The following RELN variants were observed in gnomAD, a reference collection of about 807,000 sequenced individuals.
RELN encodes reelin.
A neutral mutation model predicts 427.6 loss-of-function variants in RELN; 108 were observed. The observed-to-expected ratio is 0.25, with a 90% CI of 0.22 to 0.30. The LOEUF (loss-of-function observed/expected upper bound fraction) is 0.30, where lower values mean the gene tolerates loss of function less well. Among genes scored for constraint, RELN ranks in the 10% least tolerant of loss-of-function variants. The pLI, the probability that RELN is intolerant of heterozygous loss-of-function variation, is 1.00. For synonymous variants in RELN, 1,524 were observed against 1,513.4 expected, an observed-to-expected ratio of 1.01 and a Z score of -0.16; for missense variants, 3,715 against 4,302.8, an observed-to-expected ratio of 0.86 and a Z score of 3.82.
intron 4 of RELN, among the ~76,000 whole-genome samples, chr7:103,754,781 AAAT>A (rs1241858592): frequency 2.0e-5 from 3 of 152,158 alleles, no homozygotes; most frequent in African/African-American, 7.2e-5. Flanking sequence ...GTCTCTAAAT[AAAT>A]AATAAAAAGA....
chr7:103,619,275 A>G (rs893917993), intron 20 of RELN, among the ~76,000 whole-genome samples: 1 of 152,178 alleles, frequency 6.6e-6, no homozygotes, highest in African/African-American at 2.4e-5. Context: ...TCTGTACACA[A>G]TGGCCATGAT....
At chr7:103,848,357 G>A (rs1214771764) in intron 2 of RELN, among the ~76,000 whole-genome samples, 2 of 152,184 alleles carry the variant, frequency 1.3e-5, no homozygotes, top group Non-Finnish European at 2.9e-5. Context: ...GGAAAGCACA[G>A]AATATAACCT....
intron 3 of RELN, among the ~76,000 whole-genome samples, chr7:103,803,844 C>A (rs186904716): frequency 1.7e-3 from 265 of 152,096 alleles, no homozygotes; most frequent in Non-Finnish European, 2.8e-3. Flanking sequence ...CTCCTAGCAA[C>A]AGATGCAGTT....
At chr7:103,772,803 C>A (rs1380926723) in intron 4 of RELN, among the ~76,000 whole-genome samples, 1 of 152,142 alleles carries the variant, frequency 6.6e-6, no homozygotes, top group African/African-American at 2.4e-5. Flanking sequence ...GTAGGAGAGG[C>A]AAACTGAAGC....
chr7:103,491,846 TCTCTCTCTCTCACA>T lies in RELN; in HGVS notation c.9443+93_9443+106del, dbSNP rs1474055600. 6.2e-5 allele frequency: 38 copies of T among 609,966 alleles called. No homozygotes were observed. The African/African-American group carries it at 6.4e-4, about 10-fold the overall frequency. The allele number at this position is 609,966 out of a possible 1,614,324, so 37.8% of individuals were successfully genotyped here. A position where few individuals can be genotyped will look rare whatever the true frequency, so the allele number is the denominator to read the frequency against. ...CTGTCTCTCTCTCTCTCTCTCTCTC[TCTCTCTCTCTCACA>T]CACACACACACACACACACACACAC... is the stretch of plus-strand genomic sequence containing the variant. On this transcript the variant is annotated intron_variant, in intron 58 of 64. Transcript: ENST00000428762.
intron 4 of RELN, among the ~76,000 whole-genome samples, chr7:103,774,156 G>C (rs771945571): frequency 6.6e-6 from 1 of 151,900 alleles, no homozygotes; most frequent in Non-Finnish European, 1.5e-5. Flanking sequence ...AATTAGCCGG[G>C]TGCAGTGGCA....
chr7:103,799,177 A>C (rs1441356484), intron 3 of RELN, among the ~76,000 whole-genome samples: 1 of 152,172 alleles, frequency 6.6e-6, no homozygotes, highest in Non-Finnish European at 1.5e-5. Flanking sequence ...TATATTAAGT[A>C]ACTAATTTAG....
intron 1 of RELN, among the ~76,000 whole-genome samples, chr7:103,954,798 A>C (rs1422185183): frequency 6.6e-6 from 1 of 152,220 alleles, no homozygotes; most frequent in African/African-American, 2.4e-5. Flanking sequence ...ATGAGTTATT[A>C]ATCTAGATAC....
chr7:103,475,237 C>G (rs1219184755), intron 64 of RELN, among the ~76,000 whole-genome samples: 2 of 151,182 alleles, frequency 1.3e-5, no homozygotes, highest in Non-Finnish European at 2.9e-5. Flanking sequence ...TTACTTTGAA[C>G]TCTCATAGTG....
intron 11 of RELN, among the ~76,000 whole-genome samples, chr7:103,680,386 T>A (rs886345492): frequency 6.6e-6 from 1 of 152,070 alleles, no homozygotes; most frequent in Non-Finnish European, 1.5e-5. Context: ...TAATCCCTGA[T>A]ATATGGATGG....
chr7:103,796,606 C>T (rs1041663381), intron 3 of RELN, among the ~76,000 whole-genome samples: 2 of 152,028 alleles, frequency 1.3e-5, no homozygotes, highest in South Asian at 2.1e-4. Flanking sequence ...TGGTGACGAA[C>T]GACTGTAATC....
At chr7:103,476,551 G>T (rs1251098195) in intron 64 of RELN, among the ~76,000 whole-genome samples, 1 of 152,170 alleles carries the variant, frequency 6.6e-6, no homozygotes, top group African/African-American at 2.4e-5. Flanking sequence ...TGGTAATTTG[G>T]TATGTGAAAT....
intron 49 of RELN, among the ~76,000 whole-genome samples, chr7:103,515,881 G>C (rs147392117): frequency 8.3e-4 from 126 of 152,296 alleles, no homozygotes; most frequent in African/African-American, 2.9e-3. Flanking sequence ...CAAGTGACTT[G>C]GGGTATGGAC....
chr7:103,840,696 A>T (rs1373605605), intron 2 of RELN, among the ~76,000 whole-genome samples: 1 of 152,180 alleles, frequency 6.6e-6, no homozygotes, highest in East Asian at 1.9e-4. Flanking sequence ...GATCTTTTTA[A>T]TGCCTTTTGT....
intron 15 of RELN, among the ~76,000 whole-genome samples, chr7:103,651,226 T>C (rs1832907241): frequency 6.6e-6 from 1 of 152,066 alleles, no homozygotes; most frequent in African/African-American, 2.4e-5. Flanking sequence ...ATTCTCCTAA[T>C]AGCCCCCAAT....
chr7:103,553,846 G>C lies in RELN; in HGVS notation c.5798-15C>G. On this transcript the variant is annotated splice_polypyrimidine_tract_variant and intron_variant, in intron 38 of 64. Transcript: ENST00000428762. ...TTCTTTCTTACCTAAGGCATTTTTGGATAAAGCAAGTTTTTCCAGTGATGA... is the reference window on the plus strand; with the variant it reads ...TTCTTTCTTACCTAAGGCATTTTTGCATAAAGCAAGTTTTTCCAGTGATGA... 2.5e-6 allele frequency: 4 copies of C among 1,611,100 alleles called. No individual in the cohort carries two copies. The highest frequency in any genetic ancestry group is 3.4e-6 in the Non-Finnish European group (4 of 1,177,656).
chr7:103,697,066 G>A (rs1033704224), intron 10 of RELN, among the ~76,000 whole-genome samples: 2 of 152,136 alleles, frequency 1.3e-5, no homozygotes, highest in Non-Finnish European at 2.9e-5. Context: ...CTATGACTGG[G>A]TGGCTTAAAC....
chr7:103,763,086 T>G (rs1341148371), intron 4 of RELN, among the ~76,000 whole-genome samples: 1 of 152,232 alleles, frequency 6.6e-6, no homozygotes, highest in East Asian at 1.9e-4. Context: ...AAGTTTCTTC[T>G]GTAGTTTCTC....
At chr7:103,812,627 C>G (rs1293687327) in intron 3 of RELN, among the ~76,000 whole-genome samples, 1 of 152,188 alleles carries the variant, frequency 6.6e-6, no homozygotes, top group Non-Finnish European at 1.5e-5. Context: ...TATATTTGCA[C>G]ACATATGACA....
Sources: gnomAD v4.1 joint callset for allele counts (sites outside exome capture counted in the v4.1 genomes callset) on GRCh38, gnomAD v4.1.1 for gene constraint, MANE v1.5 for transcripts, NCBI Gene and HGNC (gene_info 2026-07-23, HGNC 2026-07-21) for gene names.